APBB3: variants seen among roughly 807,000 people sequenced by gnomAD.
The protein encoded by APBB3 is amyloid beta precursor protein binding family B member 3.
A neutral mutation model predicts 61.5 loss-of-function variants in APBB3; 50 were observed. The observed-to-expected ratio is 0.81, with a 90% confidence interval of 0.65 to 1.03. The LOEUF is 1.03. Among genes scored for constraint, APBB3 ranks in the 50% least tolerant of loss-of-function variants. The pLI, the probability that APBB3 is intolerant of heterozygous loss-of-function variation, is 0.00. For synonymous variants in APBB3, 235 were observed against 233.0 expected, an observed-to-expected ratio of 1.01 and a Z score of -0.08; for missense variants, 550 against 637.4, an observed-to-expected ratio of 0.86 and a Z score of 1.48.
Position 140,564,483 on chromosome 5 carries a change from G to C in APBB3, c.-238C>G. 5.2e-6 allele frequency: 3 copies of C among 581,280 alleles called. No homozygotes were observed. The East Asian group carries it at 8.8e-5, about 17-fold the overall frequency. The allele number at this position is 581,280 out of a possible 1,614,324, so 36.0% of individuals were successfully genotyped here. A position where few individuals can be genotyped will look rare whatever the true frequency, so the allele number is the denominator to read the frequency against. Reference sequence around the variant, plus strand: ...AAACGGGCGTCTGGATCCCCGAATGGTTGCGTGTTTCCGTGTGTGGGTCCG... The same window carrying C: ...AAACGGGCGTCTGGATCCCCGAATGCTTGCGTGTTTCCGTGTGTGGGTCCG... On this transcript the variant is annotated 5_prime_UTR_variant, in exon 1 of 13. Coordinates refer to ENST00000357560, the MANE Select transcript of APBB3 (RefSeq NM_133173.3). This position sits in a 1 kb window ranked among gnomAD's most constrained non-coding sequence, Gnocchi z 5.0.
chr5:140,560,794 AAG>A lies in APBB3; in HGVS notation c.917-42_917-41del, dbSNP rs1754918110. On this transcript the variant is annotated intron_variant, in intron 10 of 12. Coordinates refer to ENST00000357560, the MANE Select transcript of APBB3 (RefSeq NM_133173.3). The surrounding 1 kb of genome is among the most constrained non-coding windows in gnomAD (Gnocchi z 5.1). Reference sequence around the variant, plus strand: ...CCAGCGTGTCTCCCAGTGTAAAAGAAAGAGTCTGCAGGGAGTGTCTAGCCCCC... The same window carrying A: ...CCAGCGTGTCTCCCAGTGTAAAAGAAAGTCTGCAGGGAGTGTCTAGCCCCC... 1 of 1,582,224 alleles carries A rather than the reference AAG, an allele frequency of 6.3e-7. No homozygotes were observed. The highest frequency in any genetic ancestry group is 8.7e-7 in the Non-Finnish European group (1 of 1,151,834).
Position 140,560,716 on chromosome 5 carries a change from C to A in APBB3, c.955G>T (p.Ala319Ser). ...VLNEAIGTLT[A>S]RGDRNAWVPT... Reference sequence around the variant, plus strand: ...ACCCAGGCATTCCGGTCCCCCCTGGCGGTGAGGGTACCAATGGCCTCGTTC... The same window carrying A: ...ACCCAGGCATTCCGGTCCCCCCTGGAGGTGAGGGTACCAATGGCCTCGTTC... Residue 319 changes from alanine to serine, a missense_variant, in exon 11 of 13, where the codon GCC becomes TCC. Ala to Ser is a moderately conservative substitution (Grantham distance 99, BLOSUM62 1). Coordinates refer to ENST00000357560, the MANE Select transcript of APBB3 (RefSeq NM_133173.3). This position sits in a 1 kb window ranked among gnomAD's most constrained non-coding sequence, Gnocchi z 5.1. The A allele has an allele frequency of 6.2e-7, 1 of 1,614,146 alleles. No homozygotes were observed. Among genetic ancestry groups the A allele is most frequent in the Non-Finnish European group, 8.5e-7 (1 of 1,180,026 alleles).
chr5:140,558,800 C>T lies in APBB3; in HGVS notation c.1246G>A (p.Val416Met), dbSNP rs1234833987. 3 of 1,612,224 alleles carry T rather than the reference C, an allele frequency of 1.9e-6. No homozygotes were observed. The highest frequency in any genetic ancestry group is 2.7e-5 in the African/African-American group (2 of 74,880). ...GCCTTGCCTCGAGCTGCAGAGGCCA[C>T]AAGACACTTCTGGTACTGAACCTAG... ...ACMVQYQKCL[V>M]ASAARGKAWG... Residue 416 changes from valine (V) to methionine (M), a missense_variant, in exon 13 of 13, where the codon GTG (valine) becomes ATG (methionine). Val to Met is a conservative substitution (Grantham distance 21). Coordinates refer to ENST00000357560, the MANE Select transcript of APBB3 (RefSeq NM_133173.3).
rs1276537801 is a variant in APBB3, at chr5:140,562,648, G to A, written c.351+15C>T. The A allele has an allele frequency of 1.9e-6, 3 of 1,614,120 alleles. No homozygotes were observed. The highest frequency in any genetic ancestry group is 2.5e-6 in the Non-Finnish European group (3 of 1,179,974). On this transcript the variant is annotated intron_variant, in intron 4 of 12. Coordinates refer to ENST00000357560, the MANE Select transcript of APBB3 (RefSeq NM_133173.3). Reference sequence around the variant, plus strand: ...CCCTTGGGACCTCCCAATGCCCTCAGGCCCAAGTCACTACCTTAGCCCCTG... The same window carrying A: ...CCCTTGGGACCTCCCAATGCCCTCAAGCCCAAGTCACTACCTTAGCCCCTG...
At position 140,561,841 on chromosome 5, in the gene APBB3, C is replaced by T. The variant is rs1754970101; in HGVS notation, c.632+3G>A. On this transcript the variant is annotated splice_donor_region_variant and intron_variant, in intron 7 of 12. Coordinates refer to ENST00000357560, the MANE Select transcript of APBB3 (RefSeq NM_133173.3). ...GGGCTCAGGATACCTGGTTTTCACT[C>T]ACCTGTCACTGTTCCGGAAGCATGT... The T allele has an allele frequency of 1.9e-6, 3 of 1,613,720 alleles. No homozygotes were observed.
chr5:140,563,200 G>A (rs748106752), intron 3 of APBB3: 4 of 299,372 alleles, frequency 1.3e-5, no homozygotes, highest in Non-Finnish European at 2.5e-5. Context: ...AGCCAAGATC[G>A]TGCCACTGCA....
chr5:140,558,934 T>A, intron 12 of APBB3, 113 bp from the exon 13 acceptor site: 1 of 930,448 alleles, frequency 1.1e-6, no homozygotes, highest in Non-Finnish European at 1.7e-6. Context: ...AGGTTGGTAG[T>A]CAGCCACATG....
Position 140,558,703 on chromosome 5 carries a change from AG to A in APBB3, c.1342del (p.Leu448CysfsTer31). The stretch of plus-strand genomic sequence containing the variant: ...CCCTCCTTTGAGCAGGGGGAGGGGC[AG>A]GGGACCTCCTGGGGAATCCATGGAG... ...TSSMDSPGGP[L>X]PLPLLKGGVG... is the part of the protein sequence containing the mutation. On this transcript the variant is annotated frameshift_variant, in exon 13 of 13. Transcript: ENST00000357560. LOFTEE classifies it high-confidence loss of function. 1 of 1,611,124 alleles carries A rather than the reference AG, an allele frequency of 6.2e-7. No homozygotes were observed.
At position 140,558,498 on chromosome 5, in the gene APBB3, A is replaced by T; in HGVS notation, c.*87T>A. On this transcript the variant is annotated 3_prime_UTR_variant, in exon 13 of 13. Coordinates refer to ENST00000357560, the MANE Select transcript of APBB3 (RefSeq NM_133173.3). Reference sequence around the variant, plus strand: ...GGGACAGGCAGAGAAGGCTTCAAGGAGTGACAGGCTATAGGCCTTGAGGAA... The same window carrying T: ...GGGACAGGCAGAGAAGGCTTCAAGGTGTGACAGGCTATAGGCCTTGAGGAA... The T allele has an allele frequency of 8.0e-7, 1 of 1,257,094 alleles. No homozygotes were observed. Among genetic ancestry groups the T allele is most frequent in the Non-Finnish European group, 1.2e-6 (1 of 856,350 alleles). The allele number at this position is 1,257,094 out of a possible 1,614,324, so 77.9% of individuals were successfully genotyped here.
chr5:140,559,600 C>T (rs184398247), intron 12 of APBB3, among the ~76,000 whole-genome samples: 99 of 152,314 alleles, frequency 6.5e-4, no homozygotes, highest in Middle Eastern at 3.4e-3. Flanking sequence ...CTTTCAGATA[C>T]TCTCATCCAC....
Position 140,564,067 on chromosome 5 carries a change from C to G in APBB3, c.49+130G>C. On this transcript the variant is annotated intron_variant, in intron 1 of 12. Coordinates refer to ENST00000357560, the MANE Select transcript of APBB3 (RefSeq NM_133173.3). The surrounding 1 kb of genome is among the most constrained non-coding windows in gnomAD (Gnocchi z 5.0). ...TCTTGAAGACATCACATGTAAAGACCGGGTTCATTCGCCCCCTGGTCCCTA... is the reference window on the plus strand; with the variant it reads ...TCTTGAAGACATCACATGTAAAGACGGGGTTCATTCGCCCCCTGGTCCCTA... The G allele has an allele frequency of 2.0e-6, 3 of 1,467,840 alleles. No homozygotes were observed. Among genetic ancestry groups the G allele is most frequent in the Non-Finnish European group, 2.8e-6 (3 of 1,076,268 alleles). 90.9% of individuals were successfully genotyped at this position (1,467,840 alleles called of 1,614,324 possible).
intron 3 of APBB3, chr5:140,563,359 T>A: frequency 1.7e-6 from 1 of 593,856 alleles, no homozygotes; most frequent in Non-Finnish European, 3.0e-6. Context: ...GTCTAGAACA[T>A]GATAGGTTAG....
intron 3 of APBB3, chr5:140,563,229 A>C (rs554467803): frequency 1.6e-5 from 5 of 320,340 alleles, no homozygotes; most frequent in South Asian, 1.1e-4. Context: ...TGGATGACAG[A>C]GTGAGACTCC....
Position 140,564,151 on chromosome 5 carries a change from T to G in APBB3, c.49+46A>C. ...CAGAGTAGCCTTTCGGATTCCCTCG[T>G]CCTCCCTCAGCTCCTGGTCTTCCCA... On this transcript the variant is annotated intron_variant, in intron 1 of 12. Transcript: ENST00000357560. The surrounding 1 kb of genome is among the most constrained non-coding windows in gnomAD (Gnocchi z 5.0). 6.2e-7 allele frequency: 1 copy of G among 1,613,020 alleles called. No individual in the cohort carries two copies. Among genetic ancestry groups the G allele is most frequent in the Non-Finnish European group, 8.5e-7 (1 of 1,179,314 alleles).
In APBB3 at chr5:140,562,382, T is replaced by G. The variant is rs774301630; in HGVS notation, c.469A>C (p.Ser157Arg). The G allele has an allele frequency of 2.5e-6, 4 of 1,614,020 alleles. No homozygotes were observed. In the African/African-American group the frequency reaches 5.3e-5, roughly 22 times the overall value. The change falls in exon 5 of 13, where the codon AGC becomes CGC. Residue 157 changes from serine (S) to arginine (R), a missense_variant. Around this residue, in one of 3 missense-constraint regions of APBB3, gnomAD observed 405 missense variants for 483.4 expected, o/e 0.84. Coordinates refer to ENST00000357560, the MANE Select transcript of APBB3 (RefSeq NM_133173.3). ...CCCCAGGCACCATCTGGAGGCTGGC[T>G]CCGGCTGCGGGTCTGGGCCAGCTGC... The part of the protein sequence containing the change: ...IQQLAQTRSR[S>R]QPPDGAWGEG...
chr5:140,561,880 G>T, intron 6 of APBB3, 31 bp from the exon 7 acceptor site: 1 of 1,613,552 alleles, frequency 6.2e-7, no homozygotes, highest in African/African-American at 1.3e-5. Flanking sequence ...AGCACAGAAG[G>T]GAATCAGCCC....
At chr5:140,563,378 A>C in intron 3 of APBB3, 1 of 632,840 alleles carries the variant, frequency 1.6e-6, no homozygotes. Context: ...AGGACCAAGA[A>C]TATGAAAAAC....
At chr5:140,562,624 C>T in intron 4 of APBB3, 39 bp downstream of exon 4, 1 of 1,613,186 alleles carries the variant, frequency 6.2e-7, no homozygotes, top group Non-Finnish European at 8.5e-7. Flanking sequence ...CTTGTCTTTC[C>T]CTTGGGACCT....
At chr5:140,561,189 C>A in intron 9 of APBB3, 88 bp from the exon 10 acceptor site, 1 of 1,524,502 alleles carries the variant, frequency 6.6e-7, no homozygotes, top group Non-Finnish European at 9.1e-7. Context: ...CAGGTCAGAG[C>A]TGGTGCTGGT....
Sources: gnomAD v4.1 joint callset for allele counts (sites outside exome capture counted in the v4.1 genomes callset) on GRCh38, gnomAD v4.1.1 for gene constraint, gnomAD v4.1.1 regional missense constraint, Gnocchi (gnomAD v3.1) non-coding constraint, MANE v1.5 for transcripts, NCBI Gene and HGNC (gene_info 2026-07-23, HGNC 2026-07-21) for gene names.